FAM187A: variants seen among roughly 807,000 people sequenced by gnomAD.
The protein encoded by FAM187A is Ig-like V-type domain-containing protein FAM187A.
Under a neutral mutation model 6.4 loss-of-function variants are expected in FAM187A, and 4 were observed. That is an observed-to-expected ratio of 0.63 (90% confidence interval 0.31 to 1.44). The LOEUF is 1.44. Ranked by LOEUF, FAM187A falls within the 40% of genes most tolerant of loss-of-function variation. FAM187A has a pLI of 0.07. For missense variants in FAM187A, 463 were observed against 542.2 expected, an observed-to-expected ratio of 0.85 and a Z score of 1.45; for synonymous variants, 221 against 213.4, an observed-to-expected ratio of 1.04 and a Z score of -0.31.
chr17:44,905,083 A>T, exon 4 of FAM187A: 2 of 1,512,636 alleles, frequency 1.3e-6, no homozygotes, highest in Non-Finnish European at 1.8e-6. Flanking sequence ...AGCTCTCTTC[A>T]GCTCTGAAGA....
In FAM187A at chr17:44,904,457, G is replaced by A. The variant is rs775325487; in HGVS notation, c.628G>A (p.Asp210Asn). 2.8e-5 allele frequency: 43 copies of A among 1,543,966 alleles called. 1 individual carries two copies. The highest frequency in any genetic ancestry group is 2.3e-4 in the African/African-American group (17 of 73,042). Reference sequence around the variant, plus strand: ...CCCACGCTACCTCAAGGCCGTGCCCGATGTGGTGTCTTGTGGCTCAAGGGC... The same window carrying A: ...CCCACGCTACCTCAAGGCCGTGCCCAATGTGGTGTCTTGTGGCTCAAGGGC... Residue 210 changes from aspartate (D) to asparagine (N), a missense_variant, in exon 4 of 4, where the codon GAT (aspartate) becomes AAT (asparagine). Asp to Asn is a conservative substitution (Grantham distance 23). Coordinates refer to ENST00000331733, the Ensembl canonical transcript of FAM187A.
chr17:44,903,871 G>T (rs947185431), exon 4 of FAM187A: 1 of 1,550,176 alleles, frequency 6.5e-7, no homozygotes, highest in Non-Finnish European at 8.7e-7. Context: ...GGGCATGGGG[G>T]CTCCAGGCCT....
chr17:44,904,257 G>A, exon 4 of FAM187A: 1 of 1,550,502 alleles, frequency 6.4e-7, no homozygotes, highest in Middle Eastern at 1.7e-4. Flanking sequence ...ATCCAGAACA[G>A]TGAGGGAATG....
chr17:44,904,145 C>T (rs752156243), exon 4 of FAM187A: 32 of 1,550,216 alleles, frequency 2.1e-5, no homozygotes, highest in African/African-American at 9.6e-5. Flanking sequence ...CTTCAGCATC[C>T]GCATGTTCAG....
exon 4 of FAM187A, chr17:44,903,877 G>A (rs746268784): frequency 1.3e-6 from 2 of 1,548,184 alleles, no homozygotes; most frequent in South Asian, 2.4e-5. Context: ...GGGGGCTCCA[G>A]GCCTTTGAAA....
rs572154436 is a variant in FAM187A at position 44,905,281 on chromosome 17, T to C, written c.*210T>C. 1.5e-5 allele frequency: 9 copies of C among 582,860 alleles called. No individual in the cohort carries two copies. In the Admixed American group the frequency reaches 3.0e-4, roughly 19 times the overall value. 36.1% of individuals were successfully genotyped at this position (582,860 alleles called of 1,614,324 possible). On this transcript the variant is annotated 3_prime_UTR_variant, in exon 4 of 4. Coordinates refer to ENST00000331733, the Ensembl canonical transcript of FAM187A. ...GCTGGTGGGAGATTGGGGACTGAGC[T>C]CAGGATGGAAGTAGGGCACATGTGT...
exon 4 of FAM187A, chr17:44,905,062 C>T (rs1375717891): frequency 1.9e-6 from 3 of 1,541,022 alleles, no homozygotes; most frequent in Non-Finnish European, 2.6e-6. Flanking sequence ...GTCCCAGCTT[C>T]TCCCCCTAGG....
At chr17:44,904,547 T>C in exon 4 of FAM187A, 1 of 1,550,580 alleles carries the variant, frequency 6.4e-7, no homozygotes, top group Non-Finnish European at 8.7e-7. Context: ...TCGGAGCTGC[T>C]TAGTACCCTG....
chr17:44,903,806 C>T (rs1597847690), exon 4 of FAM187A: 1 of 1,540,764 alleles, frequency 6.5e-7, no homozygotes, highest in Non-Finnish European at 8.8e-7. Flanking sequence ...TGCCCTGCCC[C>T]TCTGACCCCT....
At position 44,904,271 on chromosome 17, in the gene FAM187A, G is replaced by T. The variant is rs1036146545; in HGVS notation, c.442G>T (p.Ala148Ser). 3 of 1,550,172 alleles carry T rather than the reference G, an allele frequency of 1.9e-6. No homozygotes were observed. In the East Asian group the frequency reaches 7.3e-5, roughly 38 times the overall value. Reference sequence around the variant, plus strand: ...CATCCAGAACAGTGAGGGAATGGTGGCCACTTTCCAGGACAAGGGCCAGGA... The same window carrying T: ...CATCCAGAACAGTGAGGGAATGGTGTCCACTTTCCAGGACAAGGGCCAGGA... The change falls in exon 4 of 4, where the codon GCC becomes TCC. Residue 148 changes from alanine to serine, a missense_variant. Ala to Ser is a moderately conservative substitution (Grantham distance 99). Coordinates refer to ENST00000331733, the Ensembl canonical transcript of FAM187A.
exon 4 of FAM187A, chr17:44,903,778 C>T: frequency 6.6e-7 from 1 of 1,506,404 alleles, no homozygotes; most frequent in African/African-American, 1.4e-5. Flanking sequence ...GCCCTATGAG[C>T]CTTTAATGCC....
At position 44,904,211 on chromosome 17, in the gene FAM187A, C is replaced by T. The variant is rs756050213; in HGVS notation, c.382C>T (p.Arg128Cys). 6.3e-5 allele frequency: 98 copies of T among 1,550,424 alleles called. 1 individual carries two copies. The highest frequency in any genetic ancestry group is 3.7e-4 in the South Asian group (31 of 84,026). Residue 128 changes from arginine to cysteine, a missense_variant, in exon 4 of 4, where the codon CGC becomes TGC. Coordinates refer to ENST00000331733, the Ensembl canonical transcript of FAM187A. ...CTCAGGCCTGTACTTCTGCGGCACC[C>T]GCAAGGGGGACTACTTTTACGCCTA...
At chr17:44,904,069 G>A (rs1331277606) in exon 4 of FAM187A, 5 of 1,550,526 alleles carry the variant, frequency 3.2e-6, no homozygotes, top group South Asian at 1.2e-5. Context: ...AAGTGCTGAC[G>A]GACTTTGATG....
exon 4 of FAM187A, chr17:44,903,873 T>C (rs1293094165): frequency 6.9e-7 from 1 of 1,459,432 alleles, no homozygotes; most frequent in Non-Finnish European, 9.4e-7. Flanking sequence ...GCATGGGGGC[T>C]CCAGGCCTTT....
At chr17:44,905,141 G>T in exon 4 of FAM187A, 1 of 1,278,964 alleles carries the variant, frequency 7.8e-7, no homozygotes, top group South Asian at 1.5e-5. Context: ...ATGTCTCTGG[G>T]TGGGTACCCT....
chr17:44,905,151 T>G, exon 4 of FAM187A: 244 of 1,060,488 alleles, frequency 2.3e-4, no homozygotes, highest in Non-Finnish European at 3.1e-4. Flanking sequence ...GTGGGTACCC[T>G]GGGTTGGGAC....
chr17:44,904,316 T>C (rs2051615164), exon 4 of FAM187A: 2 of 1,545,206 alleles, frequency 1.3e-6, no homozygotes, highest in East Asian at 2.4e-5. Flanking sequence ...AGATGAATAC[T>C]ATGGGCACCT....
At chr17:44,905,311 T>C (rs2051638602) in exon 4 of FAM187A, 4 of 532,084 alleles carry the variant, frequency 7.5e-6, no homozygotes. Flanking sequence ...ATGTGTTTCC[T>C]GACTTCACAT....
chr17:44,904,241 G>T (rs772716058), exon 4 of FAM187A: 100 of 1,550,458 alleles, frequency 6.4e-5, no homozygotes, highest in Non-Finnish European at 8.3e-5. Context: ...CGCCTACGAT[G>T]TGGACATCCA....
Sources: allele counts gnomAD v4.1 joint callset, GRCh38; gene constraint gnomAD v4.1.1; transcripts MANE v1.5; gene names NCBI Gene and HGNC (gene_info 2026-07-23, HGNC 2026-07-21).